The following SORCS2 variants were observed in gnomAD, a reference collection of about 807,000 sequenced individuals.
SORCS2 encodes the protein VPS10 domain-containing receptor SorCS2.
SORCS2 carries 100 observed loss-of-function variants against 141.6 expected under a neutral mutation model. The observed-to-expected ratio is 0.71, with a 90% CI of 0.60 to 0.83. SORCS2 has a LOEUF of 0.83. SORCS2 is among the 40% of genes least tolerant of loss of function. The pLI is 0.00. For missense variants in SORCS2, 1,646 were observed against 1,560.2 expected (o/e 1.05, Z -0.93); for synonymous variants, 789 against 676.9 (o/e 1.17, Z -2.57).
intron 26 of SORCS2, among the ~76,000 whole-genome samples, chr4:7,739,808 A>C (rs1182008662): frequency 6.7e-6 from 1 of 149,572 alleles, no homozygotes; most frequent in Non-Finnish European, 1.5e-5. Context: ...CCTCTCTCCC[A>C]CTCTCGCCTC....
At chr4:7,358,025 C>G (rs768505146) in intron 1 of SORCS2, among the ~76,000 whole-genome samples, 23 of 152,176 alleles carry the variant, frequency 1.5e-4, no homozygotes, top group Non-Finnish European at 3.4e-4. Context: ...ACCCCCCATT[C>G]CCAAGGAGAG....
At chr4:7,380,736 A>G (rs1161097557) in intron 1 of SORCS2, among the ~76,000 whole-genome samples, 8 of 152,252 alleles carry the variant, frequency 5.3e-5, no homozygotes, top group African/African-American at 1.9e-4. Flanking sequence ...TATGGATGAC[A>G]AGTAATGTTT....
At chr4:7,316,997 G>A (rs749172276) in intron 1 of SORCS2, among the ~76,000 whole-genome samples, 5 of 152,148 alleles carry the variant, frequency 3.3e-5, no homozygotes, top group Non-Finnish European at 7.3e-5. Flanking sequence ...GCAAGCGCCC[G>A]GGGTCAGAAG....
At chr4:7,311,740 G>T (rs1718196781) in intron 1 of SORCS2, among the ~76,000 whole-genome samples, 1 of 152,152 alleles carries the variant, frequency 6.6e-6, no homozygotes, top group African/African-American at 2.4e-5. Context: ...AAAAGAGTTT[G>T]CTTTTGTCAT....
intron 2 of SORCS2, among the ~76,000 whole-genome samples, chr4:7,479,456 A>T (rs1730496156): frequency 6.6e-6 from 1 of 152,208 alleles, no homozygotes. Context: ...GTCATCTCCC[A>T]GAAGACAATC....
intron 3 of SORCS2, among the ~76,000 whole-genome samples, chr4:7,591,926 A>G (rs1186810551): frequency 6.6e-6 from 1 of 151,710 alleles, no homozygotes; most frequent in African/African-American, 2.4e-5. Flanking sequence ...GATATTGGGG[A>G]CCTCCTCAAA....
intron 10 of SORCS2, among the ~76,000 whole-genome samples, chr4:7,685,828 C>T (rs185420677): frequency 1.4e-3 from 214 of 152,296 alleles, no homozygotes; most frequent in Middle Eastern, 0.014. Flanking sequence ...GTCCCTCCTG[C>T]AGCCACACAG....
At chr4:7,723,615 G>T in intron 18 of SORCS2, 82 bp from the exon 19 acceptor site, 1 of 1,448,716 alleles carries the variant, frequency 6.9e-7, no homozygotes. Context: ...GAATGAGTGA[G>T]TGAGTGAGTG....
chr4:7,591,526 C>T (rs1315120704), intron 3 of SORCS2, among the ~76,000 whole-genome samples: 3 of 152,176 alleles, frequency 2.0e-5, no homozygotes, highest in African/African-American at 7.2e-5. Context: ...GAAGTGTGGA[C>T]TTTTGGCTGT....
At chr4:7,510,796 C>T (rs749736659) in intron 2 of SORCS2, among the ~76,000 whole-genome samples, 10 of 152,212 alleles carry the variant, frequency 6.6e-5, no homozygotes, top group Admixed American at 4.6e-4. Flanking sequence ...CAGGTCTCTG[C>T]TCAACGTCAG....
intron 1 of SORCS2, among the ~76,000 whole-genome samples, chr4:7,317,762 C>G (rs572392648): frequency 1.3e-5 from 2 of 152,308 alleles, no homozygotes; most frequent in East Asian, 3.9e-4. Flanking sequence ...TTCCAGGCTC[C>G]CAGAAGTACC....
At chr4:7,584,930 A>G (rs1245357799) in intron 3 of SORCS2, among the ~76,000 whole-genome samples, 1 of 152,218 alleles carries the variant, frequency 6.6e-6, no homozygotes, top group Admixed American at 6.5e-5. Context: ...AAGCAAGCAC[A>G]TTGCAAAACA....
intron 3 of SORCS2, among the ~76,000 whole-genome samples, chr4:7,619,203 G>A (rs769330869): frequency 1.3e-5 from 2 of 152,288 alleles, no homozygotes; most frequent in East Asian, 1.9e-4. Context: ...GGCTAATAGA[G>A]GCTACCCAAT....
rs1725380642 is a variant in SORCS2, at chr4:7,705,625, G to A, written c.1868+1341G>A. On this transcript the variant is annotated intron_variant, in intron 14 of 26. Transcript: ENST00000507866. ...TCGCCCACTCGGCTGGAGTGGCCAT[G>A]TGCTCTGTGGCAGGTGTGGATCTAT... Among the ~76,000 whole-genome samples, 4 of 152,368 alleles carry A rather than the reference G, an allele frequency of 2.6e-5. No homozygotes were observed. The South Asian group carries it at 8.3e-4, about 32-fold the overall frequency.
chr4:7,649,146 A>T (rs1721270983), intron 4 of SORCS2, among the ~76,000 whole-genome samples: 1 of 152,154 alleles, frequency 6.6e-6, no homozygotes, highest in African/African-American at 2.4e-5. Flanking sequence ...CAAAGGCCTG[A>T]CCCGGGGGAG....
intron 1 of SORCS2, among the ~76,000 whole-genome samples, chr4:7,232,657 C>T (rs769273932): frequency 3.9e-5 from 6 of 152,202 alleles, no homozygotes; most frequent in African/African-American, 4.8e-5. Context: ...CTCCTGCCCG[C>T]GCCAGCTGTG....
chr4:7,333,774 A>G (rs1442198140), intron 1 of SORCS2, among the ~76,000 whole-genome samples: 1 of 152,202 alleles, frequency 6.6e-6, no homozygotes, highest in Non-Finnish European at 1.5e-5. Flanking sequence ...TTTAACATGA[A>G]GTTGTATCTT....
chr4:7,548,026 A>G (rs892580009), intron 3 of SORCS2, among the ~76,000 whole-genome samples: 1 of 152,180 alleles, frequency 6.6e-6, no homozygotes, highest in African/African-American at 2.4e-5. Flanking sequence ...TTCTTTCATC[A>G]TGAGCAATGT....
chr4:7,611,139 A>G (rs543890776), intron 3 of SORCS2, among the ~76,000 whole-genome samples: 165 of 152,290 alleles, frequency 1.1e-3, no homozygotes, highest in Non-Finnish European at 1.1e-3. Context: ...GTGAAAAGCA[A>G]AAGCCCACAT....
Sources: allele counts gnomAD v4.1 joint callset (sites outside exome capture counted in the v4.1 genomes callset), GRCh38; gene constraint gnomAD v4.1.1; transcripts MANE v1.5; gene names NCBI Gene and HGNC (gene_info 2026-07-23, HGNC 2026-07-21).